Variants in FOLH1 observed in about 807,000 individuals in gnomAD.
The protein encoded by FOLH1 is glutamate carboxypeptidase 2.
FOLH1 carries 54 observed loss-of-function variants against 93.9 expected under a neutral mutation model. The ratio of observed to expected loss-of-function variants is 0.57; its 90% CI spans 0.46 to 0.72. The LOEUF is 0.72. FOLH1 is among the 30% of genes least tolerant of loss of function. FOLH1 has a pLI of 0.00. For synonymous variants in FOLH1, 249 were observed against 303.6 expected (o/e 0.82, Z 1.87); for missense variants, 571 against 892.5 (o/e 0.64, Z 4.59).
chr11:49,185,929 T>A, intron 5 of FOLH1, 74 bp from the exon 6 acceptor site: 1 of 1,473,114 alleles, frequency 6.8e-7, no homozygotes, highest in Admixed American at 2.6e-5. Context: ...ATTTTCAATA[T>A]TACACTTAAA....
chr11:49,203,575 G>A (rs1473979941), intron 2 of FOLH1, among the ~76,000 whole-genome samples: 1 of 152,198 alleles, frequency 6.6e-6, no homozygotes, highest in Non-Finnish European at 1.5e-5. Flanking sequence ...TGGAGATTCT[G>A]TGGTCCTTGG....
chr11:49,161,632 G>C (rs188527116), intron 13 of FOLH1, among the ~76,000 whole-genome samples: 5 of 152,296 alleles, frequency 3.3e-5, no homozygotes, highest in African/African-American at 1.2e-4. Flanking sequence ...TTACATATAA[G>C]ATTAGAATTG....
At chr11:49,150,085 A>G (rs947083688) in intron 17 of FOLH1, among the ~76,000 whole-genome samples, 1 of 152,170 alleles carries the variant, frequency 6.6e-6, no homozygotes, top group Non-Finnish European at 1.5e-5. Context: ...CTTCCTGAGT[A>G]CCTGGGATTA....
At chr11:49,148,446 CAAAAT>C (rs1413584378) in intron 18 of FOLH1, among the ~76,000 whole-genome samples, 188 bp downstream of exon 18, 3 of 151,020 alleles carry the variant, frequency 2.0e-5, no homozygotes, top group Admixed American at 6.6e-5. Context: ...CAAAGATACT[CAAAAT>C]AAAGATATGC....
chr11:49,206,453 C>G, intron 1 of FOLH1: 1 of 628,692 alleles, frequency 1.6e-6, no homozygotes, highest in East Asian at 3.4e-5. Context: ...ATAATCAGGA[C>G]GAAAATAAAA....
Position 49,208,311 on chromosome 11 carries a change from A to G in FOLH1, c.99T>C (p.Phe33=). 1 of 1,575,448 alleles carries G rather than the reference A, an allele frequency of 6.3e-7. No homozygotes were observed. The highest frequency in any genetic ancestry group is 1.1e-5 in the South Asian group (1 of 87,054). ...CCCTACCGAAGAGGAAGCCGAGGAGAAAGAAGCCACCCGCCAGCACCAGCG... is the reference window on the plus strand; with the variant it reads ...CCCTACCGAAGAGGAAGCCGAGGAGGAAGAAGCCACCCGCCAGCACCAGCG... ...AGALVLAGGF[F]LLGFLFGWFI... Residue 33 remains phenylalanine (F), a synonymous_variant, in exon 1 of 19, where the codon TTT becomes TTC. Coordinates refer to ENST00000256999, the MANE Select transcript of FOLH1 (RefSeq NM_004476.3).
intron 3 of FOLH1, among the ~76,000 whole-genome samples, chr11:49,194,265 C>T (rs1162972248): frequency 1.3e-5 from 2 of 151,412 alleles, no homozygotes; most frequent in Non-Finnish European, 2.9e-5. Context: ...ATTCATAACC[C>T]TACAAATTTC....
chr11:49,204,158 A>C (rs1863590759), intron 2 of FOLH1, among the ~76,000 whole-genome samples: 1 of 152,224 alleles, frequency 6.6e-6, no homozygotes, highest in Non-Finnish European at 1.5e-5. Context: ...TAAGAGAAGA[A>C]TCATGGGAAA....
chr11:49,148,405 A>G (rs1385456733), intron 18 of FOLH1, among the ~76,000 whole-genome samples: 1 of 151,546 alleles, frequency 6.6e-6, no homozygotes, highest in Non-Finnish European at 1.5e-5. Context: ...TATATTTTCT[A>G]AAATAAATTT....
At chr11:49,203,966 CA>C (rs1863558825) in intron 2 of FOLH1, among the ~76,000 whole-genome samples, 1 of 152,176 alleles carries the variant, frequency 6.6e-6, no homozygotes, top group East Asian at 1.9e-4. Context: ...TAACTGAATG[CA>C]GACTCCAGGG....
At chr11:49,181,902 G>A (rs1419315064) in intron 7 of FOLH1, among the ~76,000 whole-genome samples, 5 of 152,070 alleles carry the variant, frequency 3.3e-5, no homozygotes. Context: ...TGGTCAAAAA[G>A]TGCTTCCTCA....
At chr11:49,183,282 T>C in intron 6 of FOLH1, 40 bp from the exon 7 acceptor site, 1 of 1,492,002 alleles carries the variant, frequency 6.7e-7, no homozygotes, top group Non-Finnish European at 9.3e-7. Flanking sequence ...AAAAACTCAG[T>C]TTCATTCAAA....
At chr11:49,161,653 A>G (rs1383176132) in intron 13 of FOLH1, among the ~76,000 whole-genome samples, 5 of 152,146 alleles carry the variant, frequency 3.3e-5, no homozygotes, top group African/African-American at 1.2e-4. Context: ...AAATGTGTGG[A>G]TTTGATCCTG....
chr11:49,162,653 T>G (rs568847832), intron 13 of FOLH1: 2 of 152,258 alleles, frequency 1.3e-5, no homozygotes, highest in African/African-American at 2.4e-5. Context: ...ATGCAGTCAT[T>G]TGGAGGAAAG....
chr11:49,179,839 T>C (rs1027078894), intron 7 of FOLH1, among the ~76,000 whole-genome samples: 1 of 152,222 alleles, frequency 6.6e-6, no homozygotes, highest in Non-Finnish European at 1.5e-5. Context: ...TTAGTTAAAC[T>C]GACCAAGTTT....
chr11:49,158,909 T>C (rs1203691149), intron 13 of FOLH1, among the ~76,000 whole-genome samples: 1 of 152,150 alleles, frequency 6.6e-6, no homozygotes, highest in Admixed American at 6.5e-5. Context: ...GAATGAGTGG[T>C]AATTTGTGAC....
intron 3 of FOLH1, among the ~76,000 whole-genome samples, chr11:49,195,340 TA>T (rs1565206044): frequency 6.6e-6 from 1 of 152,080 alleles, no homozygotes; most frequent in African/African-American, 2.4e-5. Context: ...ATACAGAAAT[TA>T]AAAAATATTT....
Position 49,153,843 on chromosome 11 carries a change from T to C in FOLH1, c.1970+3A>G, listed in dbSNP as rs1324061304. 7 of 1,598,314 alleles carry C rather than the reference T, an allele frequency of 4.4e-6. No homozygotes were observed. Among genetic ancestry groups the C allele is most frequent in the Non-Finnish European group, 5.1e-6 (6 of 1,170,998 alleles). On this transcript the variant is annotated splice_donor_region_variant and intron_variant, in intron 17 of 18. Coordinates refer to ENST00000256999, the MANE Select transcript of FOLH1 (RefSeq NM_004476.3). ...CACATATGCACATATATGTAGAACA[T>C]ACTTGCTTTTGTCAAAGTCCTGGAG...
At chr11:49,164,348 T>C (rs932809813) in intron 13 of FOLH1, among the ~76,000 whole-genome samples, 3 of 152,108 alleles carry the variant, frequency 2.0e-5, no homozygotes, top group African/African-American at 7.2e-5. Context: ...TACTGAAGAG[T>C]ATAAACAAGT....
Sources: allele counts gnomAD v4.1 joint callset (sites outside exome capture counted in the v4.1 genomes callset), GRCh38; gene constraint gnomAD v4.1.1; transcripts MANE v1.5; gene names NCBI Gene and HGNC (gene_info 2026-07-23, HGNC 2026-07-21).